The following ZNF385B variants were observed in gnomAD, a reference collection of about 807,000 sequenced individuals.
ZNF385B encodes zinc finger protein 385B.
In ZNF385B, 23 loss-of-function variants were observed where a neutral mutation model predicts 39.2. The observed-to-expected ratio is 0.59, with a 90% CI of 0.42 to 0.83. The LOEUF is 0.83. Ranked by LOEUF, ZNF385B falls within the 40% of genes least tolerant of loss-of-function variation. The pLI is 0.00. For synonymous variants in ZNF385B, 205 were observed against 222.6 expected (o/e 0.92, Z 0.70); for missense variants, 552 against 598.9 (o/e 0.92, Z 0.82).
At chr2:179,805,625 C>G (rs942171648) in intron 1 of ZNF385B, among the ~76,000 whole-genome samples, 1 of 152,140 alleles carries the variant, frequency 6.6e-6, no homozygotes, top group Non-Finnish European at 1.5e-5. Flanking sequence ...CTTGCCTGTG[C>G]CTCTTAGTTT....
chr2:179,523,058 T>A, intron 4 of ZNF385B: 1 of 254,412 alleles, frequency 3.9e-6, no homozygotes, highest in South Asian at 4.4e-5. Context: ...GCAGCAAAAG[T>A]TAACACTTGC....
At chr2:179,803,883 T>A (rs988332910) in intron 1 of ZNF385B, among the ~76,000 whole-genome samples, 5 of 152,126 alleles carry the variant, frequency 3.3e-5, no homozygotes, top group African/African-American at 1.2e-4. Flanking sequence ...TGCTACACAA[T>A]GGAGATTGAT....
intron 3 of ZNF385B, among the ~76,000 whole-genome samples, chr2:179,577,008 C>A (rs1685904105): frequency 6.6e-6 from 1 of 152,176 alleles, no homozygotes; most frequent in African/African-American, 2.4e-5. Context: ...CGGCTTTAAG[C>A]ATTCCTCAGA....
At chr2:179,526,988 A>G (rs2058948405) in intron 4 of ZNF385B, among the ~76,000 whole-genome samples, 1 of 152,246 alleles carries the variant, frequency 6.6e-6, no homozygotes, top group Non-Finnish European at 1.5e-5. Flanking sequence ...AACTGTTATA[A>G]AGGCAATAAC....
intron 4 of ZNF385B, among the ~76,000 whole-genome samples, chr2:179,534,022 T>C (rs2059416336): frequency 6.6e-6 from 1 of 152,202 alleles, no homozygotes; most frequent in African/African-American, 2.4e-5. Context: ...TCTCTTCCAA[T>C]CCCTGCTCCA....
chr2:179,775,350 A>G (rs1704252947), intron 1 of ZNF385B, among the ~76,000 whole-genome samples: 1 of 152,226 alleles, frequency 6.6e-6, no homozygotes, highest in Non-Finnish European at 1.5e-5. Flanking sequence ...CTTGTAATAA[A>G]CCAGAAGAGG....
intron 4 of ZNF385B, among the ~76,000 whole-genome samples, chr2:179,531,517 T>A (rs1221794086): frequency 3.9e-5 from 6 of 151,988 alleles, no homozygotes; most frequent in African/African-American, 1.4e-4. Context: ...GCACCTGTAA[T>A]CCCAGCTACT....
chr2:179,676,863 A>G (rs773333028), intron 3 of ZNF385B, among the ~76,000 whole-genome samples: 17 of 152,198 alleles, frequency 1.1e-4, no homozygotes, highest in Non-Finnish European at 8.8e-5. Context: ...TAAACATGCC[A>G]AATGGTGCTG....
intron 3 of ZNF385B, among the ~76,000 whole-genome samples, chr2:179,762,531 T>A (rs1703465025): frequency 6.6e-6 from 1 of 152,186 alleles, no homozygotes; most frequent in African/African-American, 2.4e-5. Context: ...CAGTTTTGCA[T>A]ACCTGGAATA....
At chr2:179,702,168 G>A (rs1346473885) in intron 3 of ZNF385B, among the ~76,000 whole-genome samples, 1 of 151,976 alleles carries the variant, frequency 6.6e-6, no homozygotes, top group Non-Finnish European at 1.5e-5. Context: ...AATGTTTTCA[G>A]GGTATTTTAA....
Position 179,817,431 on chromosome 2 carries a change from G to T in ZNF385B, c.-155+43670C>A, listed in dbSNP as rs1455930563. 2.0e-5 allele frequency among the ~76,000 whole-genome samples: 3 copies of T among 152,128 alleles called. No individual in the cohort carries two copies. In the East Asian group the frequency reaches 5.8e-4, roughly 29 times the overall value. ...ACATATTAAAGCAGAATAAATCCAT[G>T]AAGTTTTCTTAAACTACATGCAAAT... On this transcript the variant is annotated intron_variant, in intron 1 of 9. Coordinates refer to ENST00000410066, the MANE Select transcript of ZNF385B (RefSeq NM_152520.6).
At chr2:179,566,914 CT>C (rs372093398) in intron 3 of ZNF385B, among the ~76,000 whole-genome samples, 2,683 of 131,566 alleles carry the variant, frequency 0.02, 17 homozygotes, top group Middle Eastern at 0.04. Flanking sequence ...CTTTTCTTTT[CT>C]TTTTTTTTTT....
chr2:179,648,612 G>A (rs1575084728), intron 3 of ZNF385B, among the ~76,000 whole-genome samples: 2 of 152,052 alleles, frequency 1.3e-5, no homozygotes, highest in Admixed American at 1.3e-4. Context: ...AAACAACCAG[G>A]ACTTCTTAGA....
chr2:179,842,651 G>C (rs1348352637), intron 1 of ZNF385B, among the ~76,000 whole-genome samples: 2 of 152,008 alleles, frequency 1.3e-5, no homozygotes, highest in Non-Finnish European at 2.9e-5. Flanking sequence ...GGCCCACAGA[G>C]ACCCCACCAG....
At chr2:179,490,316 A>AACACACACACAC (rs143318849) in intron 5 of ZNF385B, among the ~76,000 whole-genome samples, 2 of 150,080 alleles carry the variant, frequency 1.3e-5, no homozygotes, top group African/African-American at 4.9e-5. Flanking sequence ...TACACACACA[A>AACACACACACAC]ACACACACAC....
At chr2:179,752,287 G>C (rs1045736185) in intron 3 of ZNF385B, among the ~76,000 whole-genome samples, 1 of 152,144 alleles carries the variant, frequency 6.6e-6, no homozygotes, top group African/African-American at 2.4e-5. Context: ...TGGCTGCATA[G>C]TATTCCATGG....
chr2:179,836,513 C>CTTT (rs755278598), intron 1 of ZNF385B, among the ~76,000 whole-genome samples: 1 of 124,176 alleles, frequency 8.1e-6, no homozygotes, highest in Non-Finnish European at 1.6e-5. Context: ...CTTGCGTTTT[C>CTTT]TTTTTTTTTT....
At chr2:179,667,801 C>T (rs1044759678) in intron 3 of ZNF385B, among the ~76,000 whole-genome samples, 4 of 152,136 alleles carry the variant, frequency 2.6e-5, no homozygotes, top group Non-Finnish European at 4.4e-5. Flanking sequence ...GAGAGGTATA[C>T]ACTGACTTGA....
At chr2:179,459,288 A>AGAGAT (rs140772021) in intron 6 of ZNF385B, among the ~76,000 whole-genome samples, 8,596 of 152,220 alleles carry the variant, frequency 0.056, 515 homozygotes, top group African/African-American at 0.15. Flanking sequence ...TCTGCCTCTG[A>AGAGAT]GAGATGGCAA....
Sources: allele counts gnomAD v4.1 joint callset (sites outside exome capture counted in the v4.1 genomes callset), GRCh38; gene constraint gnomAD v4.1.1; transcripts MANE v1.5; gene names NCBI Gene and HGNC (gene_info 2026-07-23, HGNC 2026-07-21).